TSGA10: variants seen among roughly 807,000 people sequenced by gnomAD.
TSGA10 encodes the protein testis specific 10, also known as testis-specific gene 10 protein.
A neutral mutation model predicts 96.6 loss-of-function variants in TSGA10; 43 were observed. That is an observed-to-expected ratio of 0.44 (90% CI 0.35 to 0.57). TSGA10 has a LOEUF of 0.57. Among genes scored for constraint, TSGA10 ranks in the 20% least tolerant of loss-of-function variants. The probability of loss-of-function intolerance (pLI) is 0.01; values close to 1 mark genes in which losing one functional copy is unlikely to be tolerated. For missense variants in TSGA10, 703 were observed against 834.4 expected, an observed-to-expected ratio of 0.84 and a Z score of 1.94; for synonymous variants, 229 against 269.9, an observed-to-expected ratio of 0.85 and a Z score of 1.48.
chr2:99,051,865 T>C (rs965971207), intron 16 of TSGA10, among the ~76,000 whole-genome samples: 5 of 151,944 alleles, frequency 3.3e-5, no homozygotes, highest in East Asian at 1.9e-4. Flanking sequence ...ATAAAAAATA[T>C]AGTCCAAAAT....
intron 10 of TSGA10, among the ~76,000 whole-genome samples, chr2:99,093,567 T>C (rs1022361394): frequency 2.6e-5 from 4 of 151,628 alleles, no homozygotes; most frequent in East Asian, 1.9e-4. Context: ...GGATACAAAA[T>C]CAATGTACAC....
intron 17 of TSGA10, among the ~76,000 whole-genome samples, chr2:99,024,914 T>C (rs1411546419): frequency 6.6e-6 from 1 of 152,348 alleles, no homozygotes; most frequent in East Asian, 1.9e-4. Context: ...TTTTCGTTCT[T>C]GATTCTGTTG....
At chr2:99,011,181 G>A (rs2078968745) in intron 20 of TSGA10, among the ~76,000 whole-genome samples, 1 of 152,200 alleles carries the variant, frequency 6.6e-6, no homozygotes, top group Admixed American at 6.5e-5. Context: ...TTGCCAGGCT[G>A]TAGTACGGTG....
At chr2:99,112,028 T>C (rs943853718) in intron 4 of TSGA10, among the ~76,000 whole-genome samples, 1 of 152,148 alleles carries the variant, frequency 6.6e-6, no homozygotes, top group Non-Finnish European at 1.5e-5. Flanking sequence ...TACTTTTCTA[T>C]ATGGACTAAA....
intron 20 of TSGA10, among the ~76,000 whole-genome samples, chr2:99,016,992 C>G (rs2079565025): frequency 6.6e-6 from 1 of 151,988 alleles, no homozygotes; most frequent in African/African-American, 2.4e-5. Context: ...ATTAAAAAAT[C>G]AAAAAGCATA....
At chr2:99,052,101 A>G (rs1265956395) in intron 16 of TSGA10, among the ~76,000 whole-genome samples, 2 of 151,892 alleles carry the variant, frequency 1.3e-5, no homozygotes, top group Non-Finnish European at 2.9e-5. Flanking sequence ...TAAAGCAAGC[A>G]GAAGGAAGAA....
intron 16 of TSGA10, among the ~76,000 whole-genome samples, chr2:99,051,737 CA>C (rs1303960212): frequency 6.6e-6 from 1 of 150,774 alleles, no homozygotes; most frequent in Non-Finnish European, 1.5e-5. Flanking sequence ...GGCAATACAA[CA>C]AAATCAAGAA....
chr2:99,147,154 T>C (rs970172089), intron 1 of TSGA10: 1 of 286,836 alleles, frequency 3.5e-6, no homozygotes, highest in African/African-American at 2.2e-5. Context: ...TTGTGGCATA[T>C]CTTTTTGTTT....
At chr2:99,135,106 G>A (rs905934705) in intron 1 of TSGA10, among the ~76,000 whole-genome samples, 2 of 152,200 alleles carry the variant, frequency 1.3e-5, no homozygotes. Flanking sequence ...CTGTCCCTTA[G>A]CAGAGCTTGG....
chr2:99,139,115 T>A (rs1486301645), intron 1 of TSGA10, among the ~76,000 whole-genome samples: 2 of 152,006 alleles, frequency 1.3e-5, no homozygotes, highest in Non-Finnish European at 2.9e-5. Context: ...AAAAATAAAT[T>A]AGCCAGGCAT....
chr2:99,073,134 G>T, intron 12 of TSGA10, 61 bp from the exon 13 acceptor site: 5 of 1,170,112 alleles, frequency 4.3e-6, no homozygotes, highest in Non-Finnish European at 6.1e-6. Flanking sequence ...TGTTAAAATT[G>T]AATGAACAAA....
At chr2:99,087,033 T>A (rs566432461) in intron 10 of TSGA10, among the ~76,000 whole-genome samples, 106 of 151,910 alleles carry the variant, frequency 7.0e-4, no homozygotes, top group African/African-American at 2.4e-3. Flanking sequence ...TGAAACCCCG[T>A]CTCTACTAAA....
chr2:99,152,524 A>T (rs1407859254), intron 1 of TSGA10, among the ~76,000 whole-genome samples: 1 of 152,210 alleles, frequency 6.6e-6, no homozygotes, highest in Non-Finnish European at 1.5e-5. Context: ...GCCTCAGGTG[A>T]TCCTCCCACT....
chr2:99,104,464 T>C (rs1285287389), intron 9 of TSGA10, among the ~76,000 whole-genome samples: 1 of 152,146 alleles, frequency 6.6e-6, no homozygotes, highest in Non-Finnish European at 1.5e-5. Context: ...AAAATTATTT[T>C]CTCCTGTCTA....
intron 15 of TSGA10, 93 bp from the exon 16 acceptor site, chr2:99,065,217 T>C: frequency 2.2e-6 from 3 of 1,383,654 alleles, no homozygotes; most frequent in Non-Finnish European, 3.0e-6. Context: ...TCACTTGCCA[T>C]GAGAAGCGTT....
chr2:99,034,605 G>A (rs760580915), intron 17 of TSGA10, among the ~76,000 whole-genome samples: 2 of 152,082 alleles, frequency 1.3e-5, no homozygotes, highest in Non-Finnish European at 2.9e-5. Flanking sequence ...ACCCTTGTCT[G>A]TGTTGTTTTT....
chr2:99,066,129 ACTC>A (rs1447867352), intron 15 of TSGA10, among the ~76,000 whole-genome samples: 1 of 152,134 alleles, frequency 6.6e-6, no homozygotes, highest in African/African-American at 2.4e-5. Flanking sequence ...AATGTCTAAT[ACTC>A]CTTTCAAATC....
chr2:99,107,337 A>G (rs1379406711), intron 7 of TSGA10, among the ~76,000 whole-genome samples: 1 of 152,090 alleles, frequency 6.6e-6, no homozygotes, highest in Non-Finnish European at 1.5e-5. Context: ...AATTCTCTCA[A>G]AGGAGAAATT....
chr2:99,120,641 CAG>C (rs1289461101), intron 2 of TSGA10, among the ~76,000 whole-genome samples: 1 of 152,104 alleles, frequency 6.6e-6, no homozygotes, highest in African/African-American at 2.4e-5. Flanking sequence ...AAATGTAGTA[CAG>C]AGAAGTCTCA....
Sources: gnomAD v4.1 joint callset for allele counts (sites outside exome capture counted in the v4.1 genomes callset) on GRCh38, gnomAD v4.1.1 for gene constraint, MANE v1.5 for transcripts, NCBI Gene and HGNC (gene_info 2026-07-23, HGNC 2026-07-21) for gene names.